Variants in PROM1 observed in about 807,000 individuals in gnomAD.
PROM1 encodes the protein prominin-1.
Under a neutral mutation model 116.9 loss-of-function variants are expected in PROM1, and 105 were observed. That is an observed-to-expected ratio of 0.90 (90% confidence interval 0.77 to 1.06). PROM1 has a LOEUF of 1.06. PROM1 is among the 50% of genes least tolerant of loss of function. The probability of loss-of-function intolerance (pLI) is 0.00; values close to 1 mark genes in which losing one functional copy is unlikely to be tolerated. For missense variants in PROM1, 1,122 were observed against 1,045.2 expected, an observed-to-expected ratio of 1.07 and a Z score of -1.01; for synonymous variants, 393 against 387.0, an observed-to-expected ratio of 1.02 and a Z score of -0.18.
At chr4:16,046,905 C>A (rs1275154093) in intron 2 of PROM1, among the ~76,000 whole-genome samples, 1 of 152,246 alleles carries the variant, frequency 6.6e-6, no homozygotes, top group Non-Finnish European at 1.5e-5. Flanking sequence ...CCTCATCCAA[C>A]CACGCACTCC....
At chr4:15,985,648 C>T (rs771076171) in intron 22 of PROM1, 112 bp downstream of exon 22, 6 of 878,480 alleles carry the variant, frequency 6.8e-6, no homozygotes, top group Non-Finnish European at 1.1e-5. Context: ...CTTTCACTTA[C>T]TTCCTACCAA....
chr4:16,054,576 A>T (rs1441065324), intron 2 of PROM1, among the ~76,000 whole-genome samples: 1 of 152,238 alleles, frequency 6.6e-6, no homozygotes, highest in Non-Finnish European at 1.5e-5. Context: ...TTAGCAAATT[A>T]TTTAAATTCC....
At chr4:16,004,688 T>C (rs1429918605) in intron 13 of PROM1, among the ~76,000 whole-genome samples, 4 of 152,176 alleles carry the variant, frequency 2.6e-5, no homozygotes, top group Non-Finnish European at 1.5e-5. Flanking sequence ...TAATCTTCTG[T>C]TTAATGTATT....
In PROM1 at chr4:16,075,775, T is replaced by A. The variant is rs1743832907; in HGVS notation, c.132A>T (p.Gln44His). 3.1e-6 allele frequency: 5 copies of A among 1,613,718 alleles called. No homozygotes were observed. The Admixed American group carries it at 5.0e-5, about 16-fold the overall frequency. Residue 44 changes from glutamine (Q) to histidine (H), a missense_variant, in exon 2 of 28, where the codon CAA becomes CAT. Transcript: ENST00000447510. ...CAATGGGTCCAGCTTTATGGGAGTC[T>A]TGGGTCTCATAATTTGTTGCAGGCA... Reference protein sequence around the residue: ...YELPATNYETQDSHKAGPIGI... With the variant: ...YELPATNYETHDSHKAGPIGI...
chr4:16,041,268 TAAG>T (rs879616853), intron 2 of PROM1, among the ~76,000 whole-genome samples: 9 of 152,244 alleles, frequency 5.9e-5, no homozygotes, highest in Non-Finnish European at 1.0e-4. Flanking sequence ...CAGTTACACT[TAAG>T]AAGGCTCTTG....
Position 16,006,554 on chromosome 4 carries a change from C to T in PROM1, c.1438G>A (p.Gly480Ser), listed in dbSNP as rs768692244. ...TTRGCVSNTG[G>S]VFLMVGVGLS... ...GACACTCACACCATGAGGAAGACGC[C>T]TCCGGTGTTGGAGACACAGCCTCGG... The change falls in exon 13 of 28, where the codon GGC becomes AGC. Residue 480 changes from glycine to serine, a missense_variant. Transcript: ENST00000447510. 3.8e-6 allele frequency: 6 copies of T among 1,595,572 alleles called. No homozygotes were observed. The East Asian group carries it at 1.4e-4, about 36-fold the overall frequency.
At chr4:16,024,268 T>G (rs768476665) in intron 7 of PROM1, 27 bp downstream of exon 7, 1 of 1,599,054 alleles carries the variant, frequency 6.3e-7, no homozygotes, top group Non-Finnish European at 8.6e-7. Context: ...AGAAAAAAAA[T>G]GTGAAGCAAC....
rs545151684 is a variant in PROM1 at position 16,066,207 on chromosome 4, C to T, written c.220+9480G>A. On this transcript the variant is annotated intron_variant, in intron 2 of 27. Coordinates refer to ENST00000447510, the MANE Select transcript of PROM1 (RefSeq NM_006017.3). ...AATGTGTTATGGTTGCCCTAGGAAA[C>T]CAATAAAGCGAAGGTCAAATAAATA... 2.6e-5 allele frequency among the ~76,000 whole-genome samples: 4 copies of T among 152,244 alleles called. No individual in the cohort carries two copies. In the South Asian group the frequency reaches 6.2e-4, roughly 24 times the overall value.
chr4:16,046,986 C>A (rs955971469), intron 2 of PROM1, among the ~76,000 whole-genome samples: 1 of 152,152 alleles, frequency 6.6e-6, no homozygotes, highest in African/African-American at 2.4e-5. Flanking sequence ...GAGACAGAGC[C>A]AATAGGAGAC....
intron 5 of PROM1, among the ~76,000 whole-genome samples, chr4:16,030,646 G>C (rs16892844): frequency 0.019 from 2,916 of 152,148 alleles, 97 homozygotes; most frequent in African/African-American, 0.067. Flanking sequence ...ATATATTTTG[G>C]CATTTTCAAC....
chr4:16,028,763 T>C (rs573825333), intron 5 of PROM1, among the ~76,000 whole-genome samples: 1 of 152,344 alleles, frequency 6.6e-6, no homozygotes, highest in Non-Finnish European at 1.5e-5. Context: ...GAATATCAGT[T>C]CTCTGGCATT....
At chr4:16,042,804 T>C (rs1219509254) in intron 2 of PROM1, among the ~76,000 whole-genome samples, 2 of 152,180 alleles carry the variant, frequency 1.3e-5, no homozygotes, top group Non-Finnish European at 2.9e-5. Context: ...TACAACTACC[T>C]ATCTCAGTGA....
intron 1 of PROM1, among the ~76,000 whole-genome samples, chr4:16,080,305 G>C (rs1172832866): frequency 1.3e-5 from 2 of 151,896 alleles, no homozygotes; most frequent in African/African-American, 4.8e-5. Context: ...CGGATCACGA[G>C]GTCAGGAGAT....
chr4:16,077,758 C>T (rs2138841), intron 1 of PROM1, among the ~76,000 whole-genome samples: 102,081 of 152,082 alleles, frequency 0.67, 35,393 homozygotes, highest in Non-Finnish European at 0.76. Context: ...CACTGGGGCC[C>T]CAGCAATCCA....
intron 8 of PROM1, among the ~76,000 whole-genome samples, chr4:16,021,894 T>A (rs546456294): frequency 6.6e-6 from 1 of 152,304 alleles, no homozygotes; most frequent in East Asian, 1.9e-4. Flanking sequence ...GTTGAAGCCC[T>A]AACCACTGAT....
intron 2 of PROM1, among the ~76,000 whole-genome samples, chr4:16,039,729 A>AC (rs1578166172): frequency 6.6e-6 from 1 of 151,632 alleles, no homozygotes; most frequent in Admixed American, 6.6e-5. Context: ...AAAAAAAAAA[A>AC]AATTAACCCA....
At position 16,035,736 on chromosome 4, in the gene PROM1, T is replaced by C; in HGVS notation, c.302A>G (p.Lys101Arg). Residue 101 changes from lysine to arginine, a missense_variant and splice_region_variant, in exon 4 of 28, where the codon AAG (lysine) becomes AGG (arginine). Lys to Arg is a conservative substitution (Grantham distance 26, BLOSUM62 2). Transcript: ENST00000447510. Reference protein sequence around the residue: ...DKPETVILGLKIVYYEAGIIL... With the variant: ...DKPETVILGLRIVYYEAGIIL... ...TGAAATAGCAGACAAGGACTTTACC[T>C]TTAGACCTAAGATTACAGTTTCTGG... 1.9e-6 allele frequency: 3 copies of C among 1,613,214 alleles called. No homozygotes were observed. The highest frequency in any genetic ancestry group is 2.5e-6 in the Non-Finnish European group (3 of 1,179,210).
At chr4:16,061,035 A>C (rs1275125004) in intron 2 of PROM1, among the ~76,000 whole-genome samples, 3 of 152,200 alleles carry the variant, frequency 2.0e-5, no homozygotes, top group African/African-American at 7.2e-5. Flanking sequence ...AATTACTGTT[A>C]AGTAGTTACT....
chr4:16,024,210 C>CGTACGTCATTTCTTA, intron 7 of PROM1, 85 bp downstream of exon 7: 1 of 1,213,198 alleles, frequency 8.2e-7, no homozygotes, highest in East Asian at 2.4e-5. Flanking sequence ...CCAACTTTCA[C>CGTACGTCATTTCTTA]GTACGTCATT....
Sources: allele counts gnomAD v4.1 joint callset (sites outside exome capture counted in the v4.1 genomes callset), GRCh38; gene constraint gnomAD v4.1.1; transcripts MANE v1.5; gene names NCBI Gene and HGNC (gene_info 2026-07-23, HGNC 2026-07-21).